The following ZSWIM4 variants were observed in gnomAD, a reference collection of about 807,000 sequenced individuals.
ZSWIM4 encodes the protein zinc finger SWIM-type containing 4, also known as zinc finger SWIM domain-containing protein 4.
A neutral mutation model predicts 102.5 loss-of-function variants in ZSWIM4; 62 were observed. The ratio of observed to expected loss-of-function variants is 0.60; its 90% CI spans 0.49 to 0.75. The LOEUF is 0.75. Ranked by LOEUF, ZSWIM4 falls within the 30% of genes least tolerant of loss-of-function variation. ZSWIM4 has a pLI of 0.00. For synonymous variants in ZSWIM4, 652 were observed against 674.5 expected (o/e 0.97, Z 0.52); for missense variants, 1,280 against 1,529.6 (o/e 0.84, Z 2.72).
intron 12 of ZSWIM4, among the ~76,000 whole-genome samples, chr19:13,827,992 T>C (rs897710169): frequency 2.0e-5 from 3 of 152,272 alleles, no homozygotes; most frequent in Admixed American, 6.6e-5. Context: ...GTAGGATCTG[T>C]GAGGACTCAC....
rs1440864898 is a variant in ZSWIM4, at chr19:13,812,886, G to A, written c.1013-111G>A. 1.2e-5 allele frequency: 15 copies of A among 1,223,662 alleles called. No homozygotes were observed. In the Middle Eastern group the frequency reaches 1.4e-3, roughly 118 times the overall value. 75.8% of individuals were successfully genotyped at this position (1,223,662 alleles called of 1,614,324 possible). On this transcript the variant is annotated intron_variant, in intron 5 of 13. Coordinates refer to ENST00000590508, the MANE Select transcript of ZSWIM4 (RefSeq NM_001367834.3). The stretch of plus-strand genomic sequence containing the variant: ...AAGGCTGCGAGTTGCAACTTCCGAG[G>A]GTCGAGGTGAGGGGTTAGCAGATCA...
intron 7 of ZSWIM4, among the ~76,000 whole-genome samples, chr19:13,815,942 C>CA (rs1295632758): frequency 9.0e-6 from 1 of 110,942 alleles, no homozygotes; most frequent in African/African-American, 3.5e-5. Flanking sequence ...GACTCCGTCT[C>CA]AAAAAATTAA....
intron 6 of ZSWIM4, 88 bp downstream of exon 6, chr19:13,813,252 G>A: frequency 8.6e-7 from 1 of 1,157,354 alleles, no homozygotes. Context: ...CTTCCCAGGA[G>A]AGAGAGGGAG....
Position 13,831,201 on chromosome 19 carries a change from C to G in ZSWIM4, c.*151C>G. 2.0e-6 allele frequency: 2 copies of G among 984,700 alleles called. No homozygotes were observed. Among genetic ancestry groups the G allele is most frequent in the South Asian group, 3.4e-5 (2 of 58,338 alleles). 61.0% of individuals were successfully genotyped at this position (984,700 alleles called of 1,614,324 possible). Reference sequence around the variant, plus strand: ...GGGCAGGGGGAGCAGCATCCTGCCACGTGTGTGCCTGGGAGTCTGTGAGCA... The same window carrying G: ...GGGCAGGGGGAGCAGCATCCTGCCAGGTGTGTGCCTGGGAGTCTGTGAGCA... On this transcript the variant is annotated 3_prime_UTR_variant, in exon 14 of 14. Coordinates refer to ENST00000590508, the MANE Select transcript of ZSWIM4 (RefSeq NM_001367834.3).
At chr19:13,824,730 C>G (rs938793482) in intron 11 of ZSWIM4, among the ~76,000 whole-genome samples, 1 of 139,188 alleles carries the variant, frequency 7.2e-6, no homozygotes, top group African/African-American at 2.8e-5. Flanking sequence ...AAAACTCCAT[C>G]TCAAAATAAT....
In ZSWIM4 at chr19:13,817,770, C is replaced by G. The variant is rs1354570450; in HGVS notation, c.1718C>G (p.Pro573Arg). Residue 573 changes from proline to arginine, a missense_variant, in exon 9 of 14, where the codon CCC (proline) becomes CGC (arginine). Coordinates refer to ENST00000590508, the MANE Select transcript of ZSWIM4 (RefSeq NM_001367834.3). The stretch of plus-strand genomic sequence containing the variant: ...GTGGCCTACCAGCACGTGCCTGTGC[C>G]CGGGAGCCCTGGGGAGTCCTACTTG... ...RKVAYQHVPV[P>R]GSPGESYLVL... 3 of 1,603,464 alleles carry G rather than the reference C, an allele frequency of 1.9e-6. No individual in the cohort carries two copies. The South Asian group carries it at 3.4e-5, about 18-fold the overall frequency.
rs963305187 is a variant in ZSWIM4, at chr19:13,808,939, C to A, written c.816C>A (p.Gly272=). ...QEQVKQLLSN[G]GYYGASQQLR... is the part of the protein sequence containing the mutation. ...AGGTGAAGCAGCTACTGTCCAATGGCGGCTACTACGGGGCCAGCCAGCAGC... is the reference window on the plus strand; with the variant it reads ...AGGTGAAGCAGCTACTGTCCAATGGAGGCTACTACGGGGCCAGCCAGCAGC... Residue 272 remains glycine (G), a synonymous_variant, in exon 4 of 14, where the codon GGC becomes GGA. Coordinates refer to ENST00000590508, the MANE Select transcript of ZSWIM4 (RefSeq NM_001367834.3). 6.2e-7 allele frequency: 1 copy of A among 1,609,200 alleles called. No individual in the cohort carries two copies. Among genetic ancestry groups the A allele is most frequent in the Non-Finnish European group, 8.5e-7 (1 of 1,178,146 alleles).
At chr19:13,804,729 T>C in intron 2 of ZSWIM4, 63 bp from the exon 3 acceptor site, 1 of 1,390,792 alleles carries the variant, frequency 7.2e-7, no homozygotes, top group Non-Finnish European at 9.8e-7. Context: ...GGTCTTGCTG[T>C]GTACCACAAA....
intron 12 of ZSWIM4, 65 bp from the exon 13 acceptor site, chr19:13,828,580 A>G (rs1975672977): frequency 6.7e-7 from 1 of 1,483,698 alleles, no homozygotes; most frequent in Non-Finnish European, 9.4e-7. Flanking sequence ...TCCATCTCCC[A>G]ACGCCCCTCC....
Position 13,831,320 on chromosome 19 carries a change from A to G in ZSWIM4, c.*270A>G. The G allele has an allele frequency of 2.4e-6, 1 of 421,144 alleles. No homozygotes were observed. The allele number at this position is 421,144 out of a possible 1,614,324, so 26.1% of individuals were successfully genotyped here. On this transcript the variant is annotated 3_prime_UTR_variant, in exon 14 of 14. Coordinates refer to ENST00000590508, the MANE Select transcript of ZSWIM4 (RefSeq NM_001367834.3). ...CTGCTGGTATGACCCCACTTTGGGC[A>G]CCCCAAAAGCAATAGGCAAACTCCC... is the stretch of plus-strand genomic sequence containing the variant.
In ZSWIM4 at chr19:13,817,361, C is replaced by T; in HGVS notation, c.1669+8C>T. 6 of 1,611,234 alleles carry T rather than the reference C, an allele frequency of 3.7e-6. No homozygotes were observed. The highest frequency in any genetic ancestry group is 3.3e-5 in the South Asian group (3 of 90,822). On this transcript the variant is annotated splice_region_variant and intron_variant, in intron 8 of 13. Transcript: ENST00000590508. ...CACTTACCCTTTACCCAGGTACTCA[C>T]ATGGGGTACTCTTGGAGGAGGTGGG... is the stretch of plus-strand genomic sequence containing the variant.
Position 13,814,816 on chromosome 19 carries a change from C to T in ZSWIM4, c.1482C>T (p.Leu494=). The T allele has an allele frequency of 7.8e-7, 1 of 1,275,980 alleles. No homozygotes were observed. The highest frequency in any genetic ancestry group is 1.2e-5 in the South Asian group (1 of 80,462). The allele number at this position is 1,275,980 out of a possible 1,614,324, so 79.0% of individuals were successfully genotyped here. A position where few individuals can be genotyped will look rare whatever the true frequency, so the allele number is the denominator to read the frequency against. The part of the protein sequence containing the change: ...LRLASAIINT[L]RLQQRHQLES... ...TGGCAAGTGCCATCATCAACACACT[C>T]CGGCTGCAGCAGCGGCATCAGCTAG... Residue 494 remains leucine, a synonymous_variant, in exon 7 of 14, where the codon CTC becomes CTT. Coordinates refer to ENST00000590508, the MANE Select transcript of ZSWIM4 (RefSeq NM_001367834.3).
intron 3 of ZSWIM4, 28 bp downstream of exon 3, chr19:13,805,176 G>A: frequency 6.4e-7 from 1 of 1,567,472 alleles, no homozygotes; most frequent in Non-Finnish European, 8.7e-7. Context: ...GTCCGGTGGG[G>A]AGAGGATGCC....
intron 3 of ZSWIM4, among the ~76,000 whole-genome samples, chr19:13,808,157 T>C (rs1974969339): frequency 6.6e-6 from 1 of 152,088 alleles, no homozygotes; most frequent in Admixed American, 6.6e-5. Flanking sequence ...ACCATCCCCA[T>C]GATCCAGTCA....
chr19:13,802,213 T>A (rs1017630823), intron 2 of ZSWIM4, among the ~76,000 whole-genome samples: 4 of 150,858 alleles, frequency 2.7e-5, no homozygotes, highest in African/African-American at 9.7e-5. Context: ...CCTGACCTAG[T>A]GATCCGCCCG....
At chr19:13,828,525 C>T (rs185659596) in intron 12 of ZSWIM4, 120 bp from the exon 13 acceptor site, 38 of 729,198 alleles carry the variant, frequency 5.2e-5, no homozygotes, top group East Asian at 4.3e-4. Context: ...ATCACTTACC[C>T]GGGTTCATTG....
At position 13,818,428 on chromosome 19, in the gene ZSWIM4, C is replaced by T. The variant is rs576106805; in HGVS notation, c.1924+452C>T. 1.1e-4 allele frequency among the ~76,000 whole-genome samples: 16 copies of T among 152,312 alleles called. No individual in the cohort carries two copies. In the East Asian group the frequency reaches 3.1e-3, roughly 29 times the overall value. On this transcript the variant is annotated intron_variant, in intron 9 of 13. Coordinates refer to ENST00000590508, the MANE Select transcript of ZSWIM4 (RefSeq NM_001367834.3). ...GCCCCTTCAAGGCCCCCTACGCTAT[C>T]GGACTTGCTGGTCTTGGCCGCTGGT...
rs1405771180 is a variant in ZSWIM4 at position 13,795,777 on chromosome 19, A to AGCC, written c.131_133dup (p.Ala44dup). ...TGCTGGACCTCAGCGCCAAGCGGGT[A>AGCC]GCCGAGAGCTGGGCCTTCGAGCAGG... On this transcript the variant is annotated inframe_insertion, in exon 1 of 14. Coordinates refer to ENST00000590508, the MANE Select transcript of ZSWIM4 (RefSeq NM_001367834.3). 1 of 1,245,306 alleles carries AGCC rather than the reference A, an allele frequency of 8.0e-7. No homozygotes were observed. The highest frequency in any genetic ancestry group is 1.5e-5 in the African/African-American group (1 of 64,974). The allele number at this position is 1,245,306 out of a possible 1,614,324, so 77.1% of individuals were successfully genotyped here. A position where few individuals can be genotyped will look rare whatever the true frequency, so the allele number is the denominator to read the frequency against.
chr19:13,806,824 G>A (rs1246331684), intron 3 of ZSWIM4, among the ~76,000 whole-genome samples: 1 of 152,090 alleles, frequency 6.6e-6, no homozygotes, highest in East Asian at 1.9e-4. Flanking sequence ...ATGGGTACAT[G>A]CATTGGGAGT....
Sources: gnomAD v4.1 joint callset for allele counts (sites outside exome capture counted in the v4.1 genomes callset) on GRCh38, gnomAD v4.1.1 for gene constraint, MANE v1.5 for transcripts, NCBI Gene and HGNC (gene_info 2026-07-23, HGNC 2026-07-21) for gene names.